Variants in DOCK7 observed in about 807,000 individuals in gnomAD.
The protein encoded by DOCK7 is dedicator of cytokinesis protein 7.
In DOCK7, 138 loss-of-function variants were observed where a neutral mutation model predicts 271.0. The ratio of observed to expected loss-of-function variants is 0.51; its 90% CI spans 0.44 to 0.59. The LOEUF (loss-of-function observed/expected upper bound fraction) is 0.59. Ranked by LOEUF, DOCK7 falls within the 20% of genes least tolerant of loss-of-function variation. The pLI is 0.00. For missense variants in DOCK7, 2,066 were observed against 2,592.4 expected, an observed-to-expected ratio of 0.80 and a Z score of 4.41; for synonymous variants, 823 against 876.1, an observed-to-expected ratio of 0.94 and a Z score of 1.07.
At chr1:62,471,130 T>G (rs895619034) in intron 48 of DOCK7, among the ~76,000 whole-genome samples, 1 of 152,238 alleles carries the variant, frequency 6.6e-6, no homozygotes, top group Non-Finnish European at 1.5e-5. Flanking sequence ...TAGCTTACTT[T>G]ATTGTAAGGA....
chr1:62,633,605 T>G (rs1654891518), intron 9 of DOCK7, 27 bp from the exon 10 acceptor site: 1 of 1,549,280 alleles, frequency 6.5e-7, no homozygotes, highest in South Asian at 1.1e-5. Context: ...AAGTTAAGAT[T>G]AAGCTTTTAA....
At chr1:62,550,807 G>A (rs190330812) in intron 22 of DOCK7, among the ~76,000 whole-genome samples, 25 of 140,336 alleles carry the variant, frequency 1.8e-4, no homozygotes, top group Admixed American at 5.7e-4. Context: ...TGCAACCTCC[G>A]CCTCCCAGGT....
chr1:62,531,192 CTT>C (rs762783609), intron 29 of DOCK7, among the ~76,000 whole-genome samples: 6 of 152,212 alleles, frequency 3.9e-5, no homozygotes, highest in Non-Finnish European at 7.3e-5. Flanking sequence ...ACGTTCTCCT[CTT>C]TGACTTTCTG....
chr1:62,584,117 A>G (rs1326054336), intron 15 of DOCK7: 1 of 969,590 alleles, frequency 1.0e-6, no homozygotes, highest in Non-Finnish European at 1.2e-6. Flanking sequence ...AAACAACTCA[A>G]AGTTTATTAT....
chr1:62,527,347 T>TA (rs1294168712), intron 31 of DOCK7, among the ~76,000 whole-genome samples: 1 of 152,144 alleles, frequency 6.6e-6, no homozygotes, highest in Middle Eastern at 3.4e-3. Flanking sequence ...AAAACAGGTT[T>TA]AAAAAAATAA....
intron 7 of DOCK7, among the ~76,000 whole-genome samples, chr1:62,637,257 A>G (rs1488823464): frequency 6.6e-6 from 1 of 152,210 alleles, no homozygotes. Flanking sequence ...TTATATGAAT[A>G]CGGCAAAATT....
chr1:62,539,940 A>G, intron 25 of DOCK7, 48 bp from the exon 26 acceptor site: 6 of 1,341,606 alleles, frequency 4.5e-6, no homozygotes, highest in Non-Finnish European at 6.1e-6. Context: ...ATATTTAACA[A>G]TTACAACAAC....
In DOCK7 at chr1:62,578,914, C is replaced by A; in HGVS notation, c.1924G>T (p.Asp642Tyr). The change falls in exon 17 of 50, where the codon GAC (aspartate) becomes TAC (tyrosine). Residue 642 changes from aspartate (D) to tyrosine (Y), a missense_variant. This residue lies in a region of DOCK7 where 1,414 missense variants were observed against 1,670.4 expected (regional missense o/e 0.85). Coordinates refer to ENST00000635253, the MANE Select transcript of DOCK7 (RefSeq NM_001367561.1). ...IKVKLPATLT[D>Y]HHHLLFTFYH... ...AAAGTAAAAAGCAAGTGATGATGGT[C>A]AGTTAAAGTAGCAGGAAGCTTAACC... 1 of 1,598,212 alleles carries A rather than the reference C, an allele frequency of 6.3e-7. No individual in the cohort carries two copies. The highest frequency in any genetic ancestry group is 1.1e-5 in the South Asian group (1 of 89,006).
Position 62,602,337 on chromosome 1 carries a change from T to A in DOCK7, c.1683-15713A>T, listed in dbSNP as rs188204596. Reference sequence around the variant, plus strand: ...GAATAGATGGATCACAAAACTTCAATGAAACGTGGGAGAACTACAAATATG... The same window carrying A: ...GAATAGATGGATCACAAAACTTCAAAGAAACGTGGGAGAACTACAAATATG... On this transcript the variant is annotated intron_variant, in intron 14 of 49. Coordinates refer to ENST00000635253, the MANE Select transcript of DOCK7 (RefSeq NM_001367561.1). 42 of 1,610,968 alleles carry A rather than the reference T, an allele frequency of 2.6e-5. 1 individual carries two copies. In the African/African-American group the frequency reaches 5.6e-4, roughly 22 times the overall value.
At position 62,596,152 on chromosome 1, in the gene DOCK7, A is replaced by T. The variant is rs1649210365; in HGVS notation, c.1683-9528T>A. ...CATTTTGAGCACTACCTGTTTGCCC[A>T]GCACTGTTCTAAGTGCTCTACATGT... On this transcript the variant is annotated intron_variant, in intron 14 of 49. Coordinates refer to ENST00000635253, the MANE Select transcript of DOCK7 (RefSeq NM_001367561.1). 2.0e-5 allele frequency among the ~76,000 whole-genome samples: 3 copies of T among 152,170 alleles called. No individual in the cohort carries two copies. In the South Asian group the frequency reaches 6.2e-4, roughly 32 times the overall value.
chr1:62,496,501 T>C lies in DOCK7; in HGVS notation c.4765-4A>G. Reference sequence around the variant, plus strand: ...GCATTTTAACCCTGGCAAAGTTCTGTAACAGAGAAATTGTCCAGTCAATAC... The same window carrying C: ...GCATTTTAACCCTGGCAAAGTTCTGCAACAGAGAAATTGTCCAGTCAATAC... On this transcript the variant is annotated splice_polypyrimidine_tract_variant and splice_region_variant and intron_variant, in intron 37 of 49. Transcript: ENST00000635253. 4.3e-6 allele frequency: 7 copies of C among 1,609,888 alleles called. No homozygotes were observed. Among genetic ancestry groups the C allele is most frequent in the Admixed American group, 1.7e-5 (1 of 59,160 alleles).
intron 37 of DOCK7, among the ~76,000 whole-genome samples, chr1:62,497,283 T>C (rs767565505): frequency 1.8e-4 from 27 of 152,280 alleles, no homozygotes; most frequent in Non-Finnish European, 3.5e-4. Context: ...CTTTTCTCAC[T>C]TAACATACTC....
At chr1:62,464,752 G>A (rs1645627725) in intron 48 of DOCK7, among the ~76,000 whole-genome samples, 1 of 151,992 alleles carries the variant, frequency 6.6e-6, no homozygotes, top group Non-Finnish European at 1.5e-5. Context: ...GGTGTATTGA[G>A]ACTAATAAAT....
intron 1 of DOCK7, among the ~76,000 whole-genome samples, chr1:62,678,381 G>GT (rs1208655727): frequency 1.5e-4 from 23 of 152,194 alleles, no homozygotes; most frequent in African/African-American, 5.3e-4. Context: ...ATAAACAAGA[G>GT]TTTAGCAAGG....
chr1:62,513,526 A>G lies in DOCK7; in HGVS notation c.4200T>C (p.Ile1400=). The part of the protein sequence containing the change: ...KDMRAKLEEA[I]LGSIGARQEM... ...CTTGCCTGGCACCTATGCTCCCAAG[A>G]ATAGCTTCTTCAAGCTTTGCTCTCA... The change falls in exon 33 of 50, where the codon ATT becomes ATC. Residue 1400 remains isoleucine, a synonymous_variant. Transcript: ENST00000635253. 2 of 1,614,164 alleles carry G rather than the reference A, an allele frequency of 1.2e-6. No individual in the cohort carries two copies. Among genetic ancestry groups the G allele is most frequent in the South Asian group, 2.2e-5 (2 of 91,082 alleles).
chr1:62,633,478 T>C lies in DOCK7; in HGVS notation c.1116+20A>G, dbSNP rs751142199. 3.2e-6 allele frequency: 5 copies of C among 1,564,980 alleles called. No homozygotes were observed. Among genetic ancestry groups the C allele is most frequent in the Non-Finnish European group, 4.4e-6 (5 of 1,138,408 alleles). ...TACAATAGTAATAATGTGGCGGAAATGAGAAGCATAACATTCTACCTTGGT... is the reference window on the plus strand; with the variant it reads ...TACAATAGTAATAATGTGGCGGAAACGAGAAGCATAACATTCTACCTTGGT... On this transcript the variant is annotated intron_variant, in intron 10 of 49. Coordinates refer to ENST00000635253, the MANE Select transcript of DOCK7 (RefSeq NM_001367561.1).
chr1:62,647,815 T>G, intron 6 of DOCK7, 39 bp from the exon 7 acceptor site: 6 of 1,371,898 alleles, frequency 4.4e-6, no homozygotes, highest in Non-Finnish European at 6.2e-6. Flanking sequence ...AATATGCTTA[T>G]CATATTCCAA....
At chr1:62,543,514 C>T (rs1038302929) in intron 24 of DOCK7, 142 bp downstream of exon 24, 4 of 525,666 alleles carry the variant, frequency 7.6e-6, no homozygotes, top group East Asian at 2.9e-5. Flanking sequence ...AGGCATCAGA[C>T]AAGCAATGCT....
intron 1 of DOCK7, among the ~76,000 whole-genome samples, chr1:62,668,450 G>T (rs1026748982): frequency 2.6e-5 from 4 of 152,196 alleles, no homozygotes; most frequent in African/African-American, 9.7e-5. Flanking sequence ...TATTTTGGGG[G>T]ATGAGAAATT....
Sources: allele counts gnomAD v4.1 joint callset (sites outside exome capture counted in the v4.1 genomes callset), GRCh38; gene constraint gnomAD v4.1.1; regional missense constraint gnomAD v4.1.1; transcripts MANE v1.5; gene names NCBI Gene and HGNC (gene_info 2026-07-23, HGNC 2026-07-21).